The following LRFN5 variants were observed in gnomAD, a reference collection of about 807,000 sequenced individuals.
LRFN5 encodes the protein leucine rich repeat and fibronectin type III domain containing 5.
A neutral mutation model predicts 45.6 loss-of-function variants in LRFN5; 24 were observed. That is an observed-to-expected ratio of 0.53 (90% confidence interval 0.38 to 0.74). LRFN5 has a LOEUF of 0.74. Among genes scored for constraint, LRFN5 ranks in the 30% least tolerant of loss-of-function variants. The pLI, the probability that LRFN5 is intolerant of heterozygous loss-of-function variation, is 0.00. For synonymous variants in LRFN5, 340 were observed against 313.8 expected, an observed-to-expected ratio of 1.08 and a Z score of -0.88; for missense variants, 776 against 861.5, an observed-to-expected ratio of 0.90 and a Z score of 1.24.
At chr14:41,752,612 TTTG>T (rs1216597528) in intron 1 of LRFN5, among the ~76,000 whole-genome samples, 1 of 152,178 alleles carries the variant, frequency 6.6e-6, no homozygotes, top group Non-Finnish European at 1.5e-5. Flanking sequence ...GATGGGGTTG[TTTG>T]TTTTTTTCTT....
At chr14:41,810,513 C>G (rs1292455069) in intron 2 of LRFN5, among the ~76,000 whole-genome samples, 1 of 151,980 alleles carries the variant, frequency 6.6e-6, no homozygotes, top group Non-Finnish European at 1.5e-5. Flanking sequence ...TTGACTGTCT[C>G]ATTTTCCTAT....
chr14:41,659,411 A>G (rs901091891), intron 1 of LRFN5, among the ~76,000 whole-genome samples: 2 of 152,072 alleles, frequency 1.3e-5, no homozygotes, highest in African/African-American at 4.8e-5. Context: ...ATAGTATTCC[A>G]TGGTGTATAT....
intron 1 of LRFN5, among the ~76,000 whole-genome samples, chr14:41,736,665 G>A (rs1056232018): frequency 2.0e-5 from 3 of 152,090 alleles, no homozygotes; most frequent in South Asian, 4.2e-4. Context: ...ATGATAAAGG[G>A]GACATCACCA....
At chr14:41,609,466 T>C (rs1887644243) in intron 1 of LRFN5, among the ~76,000 whole-genome samples, 1 of 152,134 alleles carries the variant, frequency 6.6e-6, no homozygotes, top group Non-Finnish European at 1.5e-5. Context: ...AAATGAGATT[T>C]CCATGGCCGG....
chr14:41,704,430 C>CTGTG (rs1265063122), intron 1 of LRFN5, among the ~76,000 whole-genome samples: 8 of 40,116 alleles, frequency 2.0e-4, no homozygotes, highest in East Asian at 7.5e-3. Context: ...CTCTCTCTCT[C>CTGTG]TCTCTCTCTC....
At chr14:41,901,766 A>G (rs1326244052) in intron 5 of LRFN5, among the ~76,000 whole-genome samples, 1 of 152,070 alleles carries the variant, frequency 6.6e-6, no homozygotes, top group African/African-American at 2.4e-5. Context: ...TTTTATACAC[A>G]TGATGCAAAT....
chr14:41,713,516 AT>A (rs5808151), intron 1 of LRFN5, among the ~76,000 whole-genome samples: 26,854 of 152,086 alleles, frequency 0.18, 2,465 homozygotes, highest in Non-Finnish European at 0.22. Flanking sequence ...ATACAAAAAA[AT>A]CTATATACAA....
chr14:41,627,339 A>G (rs1006621422), intron 1 of LRFN5, among the ~76,000 whole-genome samples: 2 of 152,136 alleles, frequency 1.3e-5, no homozygotes, highest in African/African-American at 4.8e-5. Context: ...GGGAAATGAG[A>G]AACAAGCAAA....
chr14:41,758,124 C>T (rs1885493894), intron 1 of LRFN5, among the ~76,000 whole-genome samples: 1 of 152,010 alleles, frequency 6.6e-6, no homozygotes, highest in Non-Finnish European at 1.5e-5. Flanking sequence ...CTAAAATTTC[C>T]AAGGTTTTTC....
intron 1 of LRFN5, among the ~76,000 whole-genome samples, chr14:41,689,033 T>C (rs1367173449): frequency 6.6e-6 from 1 of 151,856 alleles, no homozygotes; most frequent in Non-Finnish European, 1.5e-5. Context: ...AGGTTGAGGC[T>C]ACAGCGAGCT....
intron 2 of LRFN5, among the ~76,000 whole-genome samples, chr14:41,836,271 GT>G (rs1310938591): frequency 6.6e-6 from 1 of 152,034 alleles, no homozygotes; most frequent in Admixed American, 6.6e-5. Context: ...CTTTGACAAA[GT>G]TTTCAAATAT....
At chr14:41,664,078 C>T (rs1358542226) in intron 1 of LRFN5, among the ~76,000 whole-genome samples, 1 of 151,958 alleles carries the variant, frequency 6.6e-6, no homozygotes, top group Admixed American at 6.6e-5. Flanking sequence ...GTCTCACCTT[C>T]CCTCATTCCC....
intron 1 of LRFN5, among the ~76,000 whole-genome samples, chr14:41,675,611 A>AGGGAGAGGGGAGAG (rs367900494): frequency 2.6e-5 from 4 of 151,686 alleles, no homozygotes; most frequent in Non-Finnish European, 4.4e-5. Context: ...GGACAGGGAG[A>AGGGAGAGGGGAGAG]GGGAGAGGGG....
intron 1 of LRFN5, among the ~76,000 whole-genome samples, chr14:41,655,812 A>G (rs1880353218): frequency 6.6e-6 from 1 of 152,012 alleles, no homozygotes; most frequent in African/African-American, 2.4e-5. Context: ...GTGCAGGAAA[A>G]TGAAAGAAAT....
At chr14:41,820,208 T>G (rs1002919044) in intron 2 of LRFN5, among the ~76,000 whole-genome samples, 1 of 37,534 alleles carries the variant, frequency 2.7e-5, no homozygotes, top group African/African-American at 1.8e-4. Context: ...ATCCCAGAGT[T>G]TTTTTTCTAG....
chr14:41,692,562 T>C (rs977825706), intron 1 of LRFN5, among the ~76,000 whole-genome samples: 1 of 152,072 alleles, frequency 6.6e-6, no homozygotes, highest in Non-Finnish European at 1.5e-5. Flanking sequence ...CTATCCCTCC[T>C]AACTTCCCCC....
chr14:41,771,147 G>T (rs1387225651), intron 2 of LRFN5, among the ~76,000 whole-genome samples: 9 of 151,110 alleles, frequency 6.0e-5, no homozygotes, highest in Admixed American at 5.9e-4. Context: ...GCTCAGGGCA[G>T]TGGGGCCCTA....
At chr14:41,646,794 C>T (rs576995728) in intron 1 of LRFN5, among the ~76,000 whole-genome samples, 1 of 152,260 alleles carries the variant, frequency 6.6e-6, no homozygotes, top group African/African-American at 2.4e-5. Flanking sequence ...TGATATTGGC[C>T]ATGGGCCTCC....
chr14:41,789,367 G>A (rs903690336), intron 2 of LRFN5, among the ~76,000 whole-genome samples: 3 of 151,898 alleles, frequency 2.0e-5, no homozygotes, highest in Non-Finnish European at 4.4e-5. Flanking sequence ...TCACATGGAG[G>A]ATTTACCTTT....
Sources: allele counts gnomAD v4.1 joint callset (sites outside exome capture counted in the v4.1 genomes callset), GRCh38; gene constraint gnomAD v4.1.1; transcripts MANE v1.5; gene names NCBI Gene and HGNC (gene_info 2026-07-23, HGNC 2026-07-21).